SYNM: variants seen among roughly 807,000 people sequenced by gnomAD.
The protein encoded by SYNM is synemin, also known as desmuslin.
A neutral mutation model predicts 104.0 loss-of-function variants in SYNM; 95 were observed. The observed-to-expected ratio is 0.91, with a 90% CI of 0.77 to 1.08. The LOEUF is 1.08. Among genes scored for constraint, SYNM ranks in the 50% least tolerant of loss-of-function variants. SYNM has a pLI of 0.00. For missense variants in SYNM, 2,150 were observed against 2,052.2 expected (o/e 1.05, Z -0.92); for synonymous variants, 918 against 869.0 (o/e 1.06, Z -0.99).
intron 2 of SYNM, among the ~76,000 whole-genome samples, chr15:99,118,278 A>G (rs2067368938): frequency 6.6e-6 from 1 of 152,262 alleles, no homozygotes; most frequent in South Asian, 2.1e-4. Flanking sequence ...AGTCTTGCTC[A>G]GTAGTCTGCA....
At chr15:99,139,437 G>T (rs111331374), downstream of SYNM, 3 of 1,613,572 alleles carry the variant, frequency 1.9e-6, no homozygotes, top group Non-Finnish European at 1.7e-6. Flanking sequence ...GGCTATGGAA[G>T]TGTCGCTGAG....
Position 99,133,495 on chromosome 15 carries a change from A to G in SYNM, c.*437A>G, listed in dbSNP as rs1408954710. 2 of 165,260 alleles carry G rather than the reference A, an allele frequency of 1.2e-5. No homozygotes were observed. The highest frequency in any genetic ancestry group is 1.1e-4 in the Admixed American group (2 of 17,860). 10.2% of individuals were successfully genotyped at this position (165,260 alleles called of 1,614,324 possible). ...TAACAGACTAACATTTTAGGGGAAAAATAAATACAATTTAGACTCTAAAAA... is the reference window on the plus strand; with the variant it reads ...TAACAGACTAACATTTTAGGGGAAAGATAAATACAATTTAGACTCTAAAAA... On this transcript the variant is annotated 3_prime_UTR_variant, in exon 4 of 4. Coordinates refer to ENST00000336292, the MANE Select transcript of SYNM (RefSeq NM_145728.3).
chr15:99,129,312 G>T, intron 3 of SYNM, 55 bp from the exon 4 acceptor site: 2 of 1,583,802 alleles, frequency 1.3e-6, no homozygotes, highest in Non-Finnish European at 1.7e-6. Flanking sequence ...GCTTGTAGAT[G>T]GAAAAGGGTA....
chr15:99,127,171 T>C (rs1374565263), intron 3 of SYNM, among the ~76,000 whole-genome samples: 1 of 151,956 alleles, frequency 6.6e-6, no homozygotes, highest in African/African-American at 2.4e-5. Flanking sequence ...TAGAGGGAGG[T>C]ATGGCCTTGG....
At position 99,131,542 on chromosome 15, in the gene SYNM, C is replaced by T. The variant is rs1419769659; in HGVS notation, c.3182C>T (p.Ala1061Val). 1.2e-6 allele frequency: 2 copies of T among 1,608,406 alleles called. No individual in the cohort carries two copies. The highest frequency in any genetic ancestry group is 3.3e-5 in the Admixed American group (2 of 59,934). ...DEEGGAEAPA[A>V]GIRFRRWATR... ...GAAGGTGGAGCGGAGGCCCCGGCTG[C>T]TGGCATTCGCTTTAGGCGTTGGGCC... Residue 1061 changes from alanine (A) to valine (V), a missense_variant, in exon 4 of 4, where the codon GCT becomes GTT. By Grantham distance (64) the Ala-to-Val change is moderately conservative. Transcript: ENST00000336292. The surrounding 1 kb of genome is among the most constrained non-coding windows in gnomAD (Gnocchi z 4.3).
intron 1 of SYNM, among the ~76,000 whole-genome samples, chr15:99,112,791 AC>A (rs1408146563): frequency 6.6e-6 from 1 of 152,098 alleles, no homozygotes; most frequent in Non-Finnish European, 1.5e-5. Flanking sequence ...GCTCACTGCA[AC>A]CTCCGCCTAC....
At position 99,115,984 on chromosome 15, in the gene SYNM, C is replaced by T. The variant is rs114343594; in HGVS notation, c.935+2269C>T. 9.9e-3 allele frequency among the ~76,000 whole-genome samples: 1,504 copies of T among 152,362 alleles called. 25 individuals are homozygous for T. Among genetic ancestry groups the T allele is most frequent in the African/African-American group, 0.035 (1,451 of 41,576 alleles). On this transcript the variant is annotated intron_variant, in intron 2 of 3. Transcript: ENST00000336292. ...TCTATCAGGCAGCCCCTGGCCTGGG[C>T]CCCAGGAGGCTGCTAAGGGGTGAGG...
rs782237522 is a variant in SYNM at position 99,132,727 on chromosome 15, A to G, written c.4367A>G (p.Lys1456Arg). 1.7e-5 allele frequency: 28 copies of G among 1,613,854 alleles called. No individual in the cohort carries two copies. In the South Asian group the frequency reaches 2.2e-4, roughly 13 times the overall value. ...RTLRHIAPGP[K>R]ETSFTFQMDV... is the part of the protein sequence containing the mutation. ...CTAAGGCACATTGCACCAGGGCCCA[A>G]AGAAACTTCGTTTACCTTTCAGATG... Residue 1456 changes from lysine (K) to arginine (R), a missense_variant, in exon 4 of 4, where the codon AAA becomes AGA. By Grantham distance (26) the Lys-to-Arg change is conservative. Transcript: ENST00000336292.
At position 99,105,775 on chromosome 15, in the gene SYNM, C is replaced by G. The variant is rs368062336; in HGVS notation, c.576C>G (p.Ala192=). The change falls in exon 1 of 4, where the codon GCC becomes GCG. Residue 192 remains alanine (A), a synonymous_variant. Transcript: ENST00000336292. ...EVHDSYALLV[A]ESWRETVQLY... The stretch of plus-strand genomic sequence containing the variant: ...ACGACAGCTACGCACTGCTGGTGGC[C>G]GAGTCGTGGCGGGAGACGGTGCAGC... 6 of 1,541,824 alleles carry G rather than the reference C, an allele frequency of 3.9e-6. No individual in the cohort carries two copies. In the East Asian group the frequency reaches 1.5e-4, roughly 38 times the overall value.
chr15:99,131,303 C>T lies in SYNM; in HGVS notation c.2943C>T (p.Ser981=), dbSNP rs533934995. 194 of 1,612,680 alleles carry T rather than the reference C, an allele frequency of 1.2e-4. No individual in the cohort carries two copies. Among genetic ancestry groups the T allele is most frequent in the Non-Finnish European group, 1.4e-4 (165 of 1,179,534 alleles). The change falls in exon 4 of 4, where the codon AGC becomes AGT. Residue 981 remains serine (S), a synonymous_variant. Coordinates refer to ENST00000336292, the MANE Select transcript of SYNM (RefSeq NM_145728.3). The surrounding 1 kb of genome is among the most constrained non-coding windows in gnomAD (Gnocchi z 4.3). Reference sequence around the variant, plus strand: ...GAGAGGGGCAGGGTGGGCCGGGGAGCGTTTCCGTGGATGTCAAGAAGGTCC... The same window carrying T: ...GAGAGGGGCAGGGTGGGCCGGGGAGTGTTTCCGTGGATGTCAAGAAGGTCC... ...LTREGQGGPG[S]VSVDVKKVQG...
At chr15:99,125,306 C>A (rs1235165755) in intron 2 of SYNM, among the ~76,000 whole-genome samples, 1 of 152,226 alleles carries the variant, frequency 6.6e-6, no homozygotes, top group African/African-American at 2.4e-5. Context: ...ATTATATAGA[C>A]CTCAGAACTT....
rs371251399 is a variant in SYNM at position 99,129,396 on chromosome 15, G to A, written c.1036G>A (p.Asp346Asn). 53 of 1,613,836 alleles carry A rather than the reference G, an allele frequency of 3.3e-5. No individual in the cohort carries two copies. The highest frequency in any genetic ancestry group is 1.7e-4 in the Middle Eastern group (1 of 6,060). ...CAGAAACAAATCCTATCACTATACC[G>A]ACTCACTACTACAGAGGGAAAATGA... ...EFRNKSYHYTDSLLQRENERN... is the reference protein window; with the variant it reads ...EFRNKSYHYTNSLLQRENERN... Residue 346 changes from aspartate to asparagine, a missense_variant, in exon 4 of 4, where the codon GAC becomes AAC. Asp to Asn is a conservative substitution (Grantham distance 23, BLOSUM62 1). Transcript: ENST00000336292.
Position 99,105,643 on chromosome 15 carries a change from C to T in SYNM, c.444C>T (p.His148=), listed in dbSNP as rs1555482511. Reference sequence around the variant, plus strand: ...AGCGCCGAGGCCTCGACGCGGCCCACGAACGCGACGTGAGGGAGCTGCGCG... The same window carrying T: ...AGCGCCGAGGCCTCGACGCGGCCCATGAACGCGACGTGAGGGAGCTGCGCG... The part of the protein sequence containing the change: ...QAERRGLDAA[H]ERDVRELRAR... Residue 148 remains histidine (H), a synonymous_variant, in exon 1 of 4, where the codon CAC becomes CAT. Transcript: ENST00000336292. 2.2e-6 allele frequency: 3 copies of T among 1,363,650 alleles called. No homozygotes were observed. Among genetic ancestry groups the T allele is most frequent in the Non-Finnish European group, 2.8e-6 (3 of 1,058,390 alleles). The allele number at this position is 1,363,650 out of a possible 1,614,324, so 84.5% of individuals were successfully genotyped here.
intron 1 of SYNM, among the ~76,000 whole-genome samples, chr15:99,108,635 C>A (rs1409366473): frequency 6.6e-6 from 1 of 152,216 alleles, no homozygotes; most frequent in Non-Finnish European, 1.5e-5. Flanking sequence ...CAAATATTCA[C>A]TCTCAGTGCC....
downstream of SYNM, among the ~76,000 whole-genome samples, chr15:99,138,319 A>G (rs1183356143): frequency 6.8e-6 from 1 of 146,524 alleles, no homozygotes; most frequent in Admixed American, 6.8e-5. Context: ...TATTTTTTTA[A>G]TTTTTTTTTT....
chr15:99,132,181 G>C lies in SYNM; in HGVS notation c.3821G>C (p.Ser1274Thr). 1 of 1,613,930 alleles carries C rather than the reference G, an allele frequency of 6.2e-7. No homozygotes were observed. Residue 1274 changes from serine to threonine, a missense_variant, in exon 4 of 4, where the codon AGT becomes ACT. By Grantham distance (58) the Ser-to-Thr change is moderately conservative. Transcript: ENST00000336292. Reference sequence around the variant, plus strand: ...CAGTTAGGCCCTAAAGAAGGGTTCAGTGGGCAAATCCAGTTCACAGCTCCA... The same window carrying C: ...CAGTTAGGCCCTAAAGAAGGGTTCACTGGGCAAATCCAGTTCACAGCTCCA... ...QLQLGPKEGFSGQIQFTAPLS... is the reference protein window; with the variant it reads ...QLQLGPKEGFTGQIQFTAPLS...
intron 2 of SYNM, among the ~76,000 whole-genome samples, chr15:99,117,650 C>G (rs868977565): frequency 6.6e-6 from 1 of 152,208 alleles, no homozygotes; most frequent in South Asian, 2.1e-4. Context: ...GAGCTCTTTT[C>G]TTCCCTACTT....
chr15:99,131,122 C>G lies in SYNM; in HGVS notation c.2762C>G (p.Thr921Arg), dbSNP rs1476372097. The G allele has an allele frequency of 3.7e-6, 6 of 1,600,568 alleles. No individual in the cohort carries two copies. The highest frequency in any genetic ancestry group is 5.1e-6 in the Non-Finnish European group (6 of 1,173,414). Residue 921 changes from threonine (T) to arginine (R), a missense_variant, in exon 4 of 4, where the codon ACA becomes AGA. By Grantham distance (71) the Thr-to-Arg change is moderately conservative. Transcript: ENST00000336292. The surrounding 1 kb of genome is among the most constrained non-coding windows in gnomAD (Gnocchi z 4.3). ...ARSGEFHAEP[T>R]VIEKEIKIPH... The stretch of plus-strand genomic sequence containing the variant: ...AGCGGTGAATTTCATGCCGAACCCA[C>G]AGTCATTGAAAAAGAAATTAAAATA...
chr15:99,138,233 G>T, downstream of SYNM: 1 of 1,361,968 alleles, frequency 7.3e-7, no homozygotes, highest in Non-Finnish European at 1.0e-6. Flanking sequence ...TTTATGAGAA[G>T]ACTTGGTAGG....
Sources: allele counts gnomAD v4.1 joint callset (sites outside exome capture counted in the v4.1 genomes callset), GRCh38; gene constraint gnomAD v4.1.1; non-coding constraint Gnocchi (gnomAD v3.1); transcripts MANE v1.5; gene names NCBI Gene and HGNC (gene_info 2026-07-23, HGNC 2026-07-21).